The following TERF2 variants were observed in gnomAD, a reference collection of about 807,000 sequenced individuals.
TERF2 encodes telomeric repeat-binding factor 2.
Under a neutral mutation model 56.1 loss-of-function variants are expected in TERF2, and 16 were observed. That is an observed-to-expected ratio of 0.29 (90% CI 0.19 to 0.43). The LOEUF is 0.43. TERF2 is among the 20% of genes least tolerant of loss of function. TERF2 has a pLI of 1.00. For synonymous variants in TERF2, 296 were observed against 282.1 expected, an observed-to-expected ratio of 1.05 and a Z score of -0.50; for missense variants, 547 against 712.9, an observed-to-expected ratio of 0.77 and a Z score of 2.65.
intron 3 of TERF2, among the ~76,000 whole-genome samples, chr16:69,374,366 A>C (rs1232854449): frequency 6.6e-6 from 1 of 152,084 alleles, no homozygotes; most frequent in Non-Finnish European, 1.5e-5. Flanking sequence ...CCGGTGGCTC[A>C]TAACTGTAAT....
At chr16:69,369,755 T>C (rs1483492572) in intron 5 of TERF2, among the ~76,000 whole-genome samples, 4 of 152,210 alleles carry the variant, frequency 2.6e-5, no homozygotes, top group Non-Finnish European at 5.9e-5. Flanking sequence ...TAAAGAATGT[T>C]TTCATTTGGC....
chr16:69,370,188 G>A (rs558465062), intron 5 of TERF2: 11 of 376,008 alleles, frequency 2.9e-5, no homozygotes, highest in African/African-American at 1.4e-4. Flanking sequence ...CTGCCACCAC[G>A]CCCAGCTAAT....
At chr16:69,384,244 A>G (rs1158760571) in intron 3 of TERF2, among the ~76,000 whole-genome samples, 2 of 152,196 alleles carry the variant, frequency 1.3e-5, no homozygotes. Flanking sequence ...TTGGTTTATT[A>G]TAAACAAGGG....
At chr16:69,372,706 A>G (rs1161425508) in intron 3 of TERF2, among the ~76,000 whole-genome samples, 1 of 152,102 alleles carries the variant, frequency 6.6e-6, no homozygotes, top group East Asian at 1.9e-4. Flanking sequence ...AGGTTGCAGT[A>G]AGCCGAGATC....
rs138969782 is a variant in TERF2 at position 69,359,930 on chromosome 16, T to G, written c.1426+1474A>C. On this transcript the variant is annotated intron_variant, in intron 8 of 9. Coordinates refer to ENST00000254942, the MANE Select transcript of TERF2 (RefSeq NM_005652.5). The stretch of plus-strand genomic sequence containing the variant: ...CACCACTCCTGGCCTAAATTTTTTT[T>G]GTTTGTATTTTTTGTAGACATGGAG... Among the ~76,000 whole-genome samples, 746 of 151,636 alleles carry G rather than the reference T, an allele frequency of 4.9e-3. 11 individuals are homozygous for G. Among genetic ancestry groups the G allele is most frequent in the African/African-American group, 0.016 (662 of 41,384 alleles).
At chr16:69,357,298 A>G (rs549941231) in intron 9 of TERF2, among the ~76,000 whole-genome samples, 1 of 152,318 alleles carries the variant, frequency 6.6e-6, no homozygotes, top group South Asian at 2.1e-4. Flanking sequence ...CAAACTGCAA[A>G]CATATCTACA....
In TERF2 at chr16:69,361,398, G is replaced by A. The variant is rs2013133665; in HGVS notation, c.1426+6C>T. ...AAGAAGAGGCCAAGGAGAATCTTCT[G>A]CTTACCCTGAACTTGAAACAGTTCA... On this transcript the variant is annotated splice_donor_region_variant and intron_variant, in intron 8 of 9. Transcript: ENST00000254942. 2.5e-6 allele frequency: 4 copies of A among 1,604,350 alleles called. No individual in the cohort carries two copies. The African/African-American group carries it at 5.4e-5, about 21-fold the overall frequency.
chr16:69,377,841 G>A (rs2013850410), intron 3 of TERF2, among the ~76,000 whole-genome samples: 1 of 151,584 alleles, frequency 6.6e-6, no homozygotes, highest in Admixed American at 6.6e-5. Context: ...AAACTTACAG[G>A]ATTTTTTTTT....
intron 3 of TERF2, among the ~76,000 whole-genome samples, chr16:69,374,701 C>T (rs928324724): frequency 1.5e-5 from 2 of 132,986 alleles, no homozygotes; most frequent in Non-Finnish European, 3.1e-5. Flanking sequence ...GGCGCAGTGG[C>T]TCGCGCCTGT....
In TERF2 at chr16:69,385,791, C is replaced by G; in HGVS notation, c.181G>C (p.Ala61Pro). The change falls in exon 1 of 10, where the codon GCG (alanine) becomes CCG (proline). Residue 61 changes from alanine to proline, a missense_variant. By Grantham distance (27) the Ala-to-Pro change is conservative. Around this residue, in one of 6 missense-constraint regions of TERF2, gnomAD observed 120 missense variants for 172.4 expected, o/e 0.70. Transcript: ENST00000254942. ...CGGGCCCGCCCGCTACTGCGGGACG[C>G]CCGCCTGCCAGCTGCCCGCCCGCTG... ...DGSGRAAGRR[A>P]SRSSGRARRG... is the part of the protein sequence containing the mutation. 1 of 1,295,356 alleles carries G rather than the reference C, an allele frequency of 7.7e-7. No homozygotes were observed. The highest frequency in any genetic ancestry group is 2.5e-5 in the South Asian group (1 of 40,638). The allele number at this position is 1,295,356 out of a possible 1,614,324, so 80.2% of individuals were successfully genotyped here.
chr16:69,360,488 G>C (rs1567443511), intron 8 of TERF2, among the ~76,000 whole-genome samples: 1 of 151,942 alleles, frequency 6.6e-6, no homozygotes, highest in Non-Finnish European at 1.5e-5. Flanking sequence ...CAGATTGCTT[G>C]AGCCCAGGAG....
chr16:69,375,873 T>C (rs111316218), intron 3 of TERF2, among the ~76,000 whole-genome samples: 301 of 152,336 alleles, frequency 2.0e-3, no homozygotes, highest in Non-Finnish European at 3.1e-3. Flanking sequence ...TTTTACCATC[T>C]ACATTATTTT....
chr16:69,358,052 G>C (rs1279296682), intron 8 of TERF2, among the ~76,000 whole-genome samples: 1 of 130,394 alleles, frequency 7.7e-6, no homozygotes. Context: ...TCACTCTGTC[G>C]CCCAGGCTGG....
Position 69,385,923 on chromosome 16 carries a change from C to G in TERF2, c.49G>C (p.Val17Leu), listed in dbSNP as rs2014189042. The G allele has an allele frequency of 7.2e-6, 10 of 1,383,964 alleles. No homozygotes were observed. The highest frequency in any genetic ancestry group is 3.0e-5 in the African/African-American group (2 of 66,306). The allele number at this position is 1,383,964 out of a possible 1,614,324, so 85.7% of individuals were successfully genotyped here. A position where few individuals can be genotyped will look rare whatever the true frequency, so the allele number is the denominator to read the frequency against. The stretch of plus-strand genomic sequence containing the variant: ...GGCTGTGACGCCGCTGGGTCACGCA[C>G]GACGCCCGGGCCGGAAGCGGGGCCC... ...TAGPASGPGVVRDPAASQPRK... is the reference protein window; with the variant it reads ...TAGPASGPGVLRDPAASQPRK... Residue 17 changes from valine (V) to leucine (L), a missense_variant, in exon 1 of 10, where the codon GTG becomes CTG. Val to Leu is a conservative substitution (Grantham distance 32). This residue lies in a region of TERF2 where 85 missense variants were observed against 59.5 expected (regional missense o/e 1.43). Coordinates refer to ENST00000254942, the MANE Select transcript of TERF2 (RefSeq NM_005652.5).
intron 3 of TERF2, among the ~76,000 whole-genome samples, chr16:69,378,950 T>TGG (rs138150878): frequency 0.013 from 1,869 of 141,740 alleles, 24 homozygotes; most frequent in Admixed American, 0.027. Flanking sequence ...TAATTTCCTG[T>TGG]GGGGGGGGGG....
intron 8 of TERF2, among the ~76,000 whole-genome samples, chr16:69,359,993 G>T (rs2013071372): frequency 6.6e-6 from 1 of 152,036 alleles, no homozygotes; most frequent in South Asian, 2.1e-4. Flanking sequence ...CAACCCCTGA[G>T]TTCAAGGAAT....
chr16:69,372,484 C>T, intron 3 of TERF2, 129 bp from the exon 4 acceptor site: 1 of 606,634 alleles, frequency 1.6e-6, no homozygotes. Context: ...ATTATAAAGC[C>T]AGGCGCGGTG....
intron 8 of TERF2, among the ~76,000 whole-genome samples, chr16:69,360,445 T>G (rs996295686): frequency 1.3e-5 from 2 of 151,414 alleles, no homozygotes; most frequent in African/African-American, 4.9e-5. Flanking sequence ...GGCTCACAAG[T>G]ATAGTCCCAG....
intron 7 of TERF2, among the ~76,000 whole-genome samples, chr16:69,363,352 C>A (rs893632130): frequency 6.6e-6 from 1 of 152,188 alleles, no homozygotes; most frequent in Non-Finnish European, 1.5e-5. Context: ...CTGTTGAACT[C>A]TCAGCACTAT....
Sources: gnomAD v4.1 joint callset for allele counts (sites outside exome capture counted in the v4.1 genomes callset) on GRCh38, gnomAD v4.1.1 for gene constraint, gnomAD v4.1.1 regional missense constraint, MANE v1.5 for transcripts, NCBI Gene and HGNC (gene_info 2026-07-23, HGNC 2026-07-21) for gene names.